Variants in SNTG1 observed in about 807,000 individuals in gnomAD.
The protein encoded by SNTG1 is syntrophin gamma 1, also known as gamma-1-syntrophin.
A neutral mutation model predicts 74.7 loss-of-function variants in SNTG1; 39 were observed. The ratio of observed to expected loss-of-function variants is 0.52; its 90% CI spans 0.40 to 0.68. The LOEUF is 0.68. SNTG1 is among the 30% of genes least tolerant of loss of function. The pLI is 0.00. For missense variants in SNTG1, 685 were observed against 609.5 expected, an observed-to-expected ratio of 1.12 and a Z score of -1.30; for synonymous variants, 254 against 217.1, an observed-to-expected ratio of 1.17 and a Z score of -1.49.
intron 17 of SNTG1, among the ~76,000 whole-genome samples, chr8:50,745,366 TG>T (rs2095552886): frequency 6.6e-6 from 1 of 151,954 alleles, no homozygotes; most frequent in Admixed American, 6.6e-5. Context: ...TTCATTGGGA[TG>T]GCAAAAATCA....
chr8:50,511,743 C>A, intron 9 of SNTG1, among the ~76,000 whole-genome samples: 1 of 152,116 alleles, frequency 6.6e-6, no homozygotes, highest in Middle Eastern at 3.4e-3. Flanking sequence ...GCAACCTCTG[C>A]CTTTTTTTGT....
intron 1 of SNTG1, among the ~76,000 whole-genome samples, chr8:50,109,128 A>T (rs1008952200): frequency 1.2e-4 from 18 of 152,166 alleles, no homozygotes; most frequent in Non-Finnish European, 2.4e-4. Context: ...AGCATCCCAC[A>T]TTCCTTTTCT....
chr8:50,224,519 A>G (rs1422112638), intron 2 of SNTG1, among the ~76,000 whole-genome samples: 1 of 152,212 alleles, frequency 6.6e-6, no homozygotes, highest in African/African-American at 2.4e-5. Context: ...ACCTTTCTTC[A>G]TATCTATTCT....
chr8:50,774,447 G>A (rs1215983329), intron 18 of SNTG1, among the ~76,000 whole-genome samples: 6 of 151,478 alleles, frequency 4.0e-5, no homozygotes, highest in Non-Finnish European at 7.4e-5. Context: ...GTAATAGAAC[G>A]GCACATTTAA....
At chr8:50,432,201 A>G (rs2093245057) in intron 4 of SNTG1, among the ~76,000 whole-genome samples, 1 of 152,202 alleles carries the variant, frequency 6.6e-6, no homozygotes, top group South Asian at 2.1e-4. Flanking sequence ...TGTGAAGAGC[A>G]TAGTATACAT....
chr8:50,664,025 T>C (rs1455103621), intron 15 of SNTG1, among the ~76,000 whole-genome samples: 1 of 152,186 alleles, frequency 6.6e-6, no homozygotes, highest in Non-Finnish European at 1.5e-5. Context: ...TATTCAACAG[T>C]TTATATTTCT....
chr8:50,036,667 T>A (rs1260094320), intron 1 of SNTG1, among the ~76,000 whole-genome samples: 1 of 152,202 alleles, frequency 6.6e-6, no homozygotes, highest in East Asian at 1.9e-4. Context: ...ACGTGTCAAA[T>A]GAATGGGTGG....
intron 1 of SNTG1, among the ~76,000 whole-genome samples, chr8:50,114,289 A>T (rs2080725849): frequency 3.3e-5 from 5 of 152,188 alleles, no homozygotes; most frequent in Non-Finnish European, 5.9e-5. Context: ...TATATTAGTA[A>T]TAAGCAGTAA....
At chr8:50,258,899 T>C (rs916603094) in intron 2 of SNTG1, among the ~76,000 whole-genome samples, 1 of 152,062 alleles carries the variant, frequency 6.6e-6, no homozygotes, top group Non-Finnish European at 1.5e-5. Flanking sequence ...AACATAGTAG[T>C]TGAAAATGCT....
intron 18 of SNTG1, chr8:50,762,612 C>G: frequency 2.4e-6 from 1 of 419,406 alleles, no homozygotes; most frequent in Non-Finnish European, 4.8e-6. Context: ...ATCAGTGTAT[C>G]CTCTCCCCAG....
chr8:50,247,405 G>A (rs1275150455), intron 2 of SNTG1, among the ~76,000 whole-genome samples: 2 of 152,088 alleles, frequency 1.3e-5, no homozygotes, highest in Admixed American at 6.5e-5. Context: ...TTTTCAAGCT[G>A]AAGAAAGCAT....
intron 1 of SNTG1, among the ~76,000 whole-genome samples, chr8:50,063,342 T>C (rs910995607): frequency 9.9e-5 from 15 of 152,238 alleles, no homozygotes; most frequent in South Asian, 8.3e-4. Flanking sequence ...CATTTGTATA[T>C]GTCACAATGG....
At chr8:49,987,979 C>A (rs967391673) in intron 1 of SNTG1, among the ~76,000 whole-genome samples, 1 of 152,014 alleles carries the variant, frequency 6.6e-6, no homozygotes, top group East Asian at 1.9e-4. Context: ...TACCTTTGCA[C>A]GAACCTAATA....
chr8:50,114,748 C>T (rs970549637), intron 1 of SNTG1, among the ~76,000 whole-genome samples: 1 of 152,052 alleles, frequency 6.6e-6, no homozygotes, highest in African/African-American at 2.4e-5. Flanking sequence ...GCCTGTAGTC[C>T]CAGCTACTCT....
intron 2 of SNTG1, among the ~76,000 whole-genome samples, chr8:50,342,522 G>T (rs1213162500): frequency 2.0e-5 from 3 of 152,100 alleles, no homozygotes; most frequent in Non-Finnish European, 4.4e-5. Context: ...AGTAAGGCAA[G>T]CAAGAAATAT....
intron 2 of SNTG1, among the ~76,000 whole-genome samples, chr8:50,384,065 G>A (rs534561165): frequency 6.6e-6 from 1 of 152,284 alleles, no homozygotes; most frequent in African/African-American, 2.4e-5. Flanking sequence ...ATACTGAGAG[G>A]CACTACCCTC....
rs146665083 is a variant in SNTG1 at position 50,748,609 on chromosome 8, C to A, written c.1285-3392C>A. ...TTACAAATTGCAGGTTTGTGGCAAC[C>A]CTGCATTGAGCCACTCTATCAGCTG... On this transcript the variant is annotated intron_variant, in intron 17 of 18. Transcript: ENST00000642720. Among the ~76,000 whole-genome samples the A allele has an allele frequency of 8.6e-3, 1,301 of 152,064 alleles. 11 individuals carry two copies. Among genetic ancestry groups the A allele is most frequent in the Non-Finnish European group, 0.013 (893 of 67,956 alleles).
At chr8:50,064,879 T>C (rs571172882) in intron 1 of SNTG1, among the ~76,000 whole-genome samples, 2 of 152,214 alleles carry the variant, frequency 1.3e-5, no homozygotes, top group South Asian at 4.1e-4. Context: ...CATCACCATG[T>C]TTTATTGTCT....
chr8:50,757,284 A>G (rs1253682094), intron 18 of SNTG1, among the ~76,000 whole-genome samples: 1 of 151,852 alleles, frequency 6.6e-6, no homozygotes, highest in East Asian at 1.9e-4. Flanking sequence ...TAAGCTTTGT[A>G]TATCAACTAT....
Sources: allele counts gnomAD v4.1 joint callset (sites outside exome capture counted in the v4.1 genomes callset), GRCh38; gene constraint gnomAD v4.1.1; transcripts MANE v1.5; gene names NCBI Gene and HGNC (gene_info 2026-07-23, HGNC 2026-07-21).